The following RBFOX2 variants were observed in gnomAD, a reference collection of about 807,000 sequenced individuals.
RBFOX2 encodes RNA binding protein fox-1 homolog 2.
In RBFOX2, 10 loss-of-function variants were observed where a neutral mutation model predicts 49.1. The observed-to-expected ratio is 0.20, with a 90% CI of 0.13 to 0.35. The LOEUF is 0.35. RBFOX2 is among the 10% of genes least tolerant of loss of function. RBFOX2 has a pLI of 1.00. For synonymous variants in RBFOX2, 183 were observed against 187.4 expected (o/e 0.98, Z 0.19); for missense variants, 323 against 486.9 (o/e 0.66, Z 3.17).
chr22:35,991,926 A>T (rs2057999493), intron 1 of RBFOX2, among the ~76,000 whole-genome samples: 1 of 152,210 alleles, frequency 6.6e-6, no homozygotes, highest in South Asian at 2.1e-4. Flanking sequence ...TAATATATGT[A>T]ACCACTCCTG....
In RBFOX2 at chr22:35,906,028, A is replaced by G. The variant is rs5995176; in HGVS notation, c.-34+32819T>C. Among the ~76,000 whole-genome samples the G allele has an allele frequency of 3.3e-4, 50 of 152,332 alleles. 1 individual carries two copies. The highest frequency in any genetic ancestry group is 1.2e-3 in the African/African-American group (48 of 41,580). Reference sequence around the variant, plus strand: ...CCATATATAATATATAGTCAGGTATATATCTAGGTTTGTGTAAGTACATTC... The same window carrying G: ...CCATATATAATATATAGTCAGGTATGTATCTAGGTTTGTGTAAGTACATTC... On this transcript the variant is annotated intron_variant, in intron 1 of 13. Coordinates refer to the RBFOX2 transcript ENST00000359369.
chr22:35,867,078 GCA>G (rs139224464), intron 1 of RBFOX2, among the ~76,000 whole-genome samples: 15,593 of 151,290 alleles, frequency 0.1, 1,494 homozygotes, highest in African/African-American at 0.26. Context: ...GCACACACAT[GCA>G]CACACACACA....
intron 1 of RBFOX2, among the ~76,000 whole-genome samples, chr22:35,890,606 C>T (rs1451443762): frequency 6.6e-6 from 1 of 152,056 alleles, no homozygotes; most frequent in South Asian, 2.1e-4. Context: ...AAATACAAGA[C>T]GAGGCTAATT....
At chr22:35,932,112 T>G (rs1289362909) in intron 1 of RBFOX2, among the ~76,000 whole-genome samples, 2 of 152,178 alleles carry the variant, frequency 1.3e-5, no homozygotes, top group African/African-American at 4.8e-5. Context: ...AGCTAGAACC[T>G]GAACACACTT....
chr22:35,861,159 C>A (rs1043658223), intron 1 of RBFOX2, among the ~76,000 whole-genome samples: 22 of 152,092 alleles, frequency 1.4e-4, no homozygotes, highest in Non-Finnish European at 2.4e-4. Flanking sequence ...TTTCCAAATA[C>A]AAAACAACTC....
At chr22:35,963,449 T>A (rs1300015641), upstream of RBFOX2, among the ~76,000 whole-genome samples, 2 of 152,148 alleles carry the variant, frequency 1.3e-5, no homozygotes, top group Non-Finnish European at 2.9e-5. Flanking sequence ...AATTAATTAG[T>A]ATTAAAAGCA....
chr22:35,996,215 C>G (rs1047823386), intron 1 of RBFOX2: 2 of 152,168 alleles, frequency 1.3e-5, no homozygotes, highest in African/African-American at 4.8e-5. Context: ...CTCCTGAGAT[C>G]ATTATCCAAT....
chr22:36,012,280 T>C (rs1225952587), intron 1 of RBFOX2, among the ~76,000 whole-genome samples: 1 of 152,160 alleles, frequency 6.6e-6, no homozygotes, highest in Non-Finnish European at 1.5e-5. Context: ...AGGCACTGGA[T>C]AAAGAGCCAC....
chr22:35,941,738 A>G (rs1268853258), upstream of RBFOX2, among the ~76,000 whole-genome samples: 1 of 152,196 alleles, frequency 6.6e-6, no homozygotes, highest in African/African-American at 2.4e-5. Flanking sequence ...AAAAAAATAT[A>G]AGGAAAAGAT....
intron 2 of RBFOX2, among the ~76,000 whole-genome samples, chr22:35,803,787 T>C (rs1950195908): frequency 6.6e-6 from 1 of 151,778 alleles, no homozygotes; most frequent in African/African-American, 2.4e-5. Flanking sequence ...AAAAAATCAC[T>C]AGATGGGCTC....
intron 1 of RBFOX2, among the ~76,000 whole-genome samples, chr22:36,009,154 AGTC>A (rs1306303782): frequency 1.3e-5 from 2 of 152,194 alleles, no homozygotes; most frequent in Non-Finnish European, 2.9e-5. Context: ...GCAGCCCTCC[AGTC>A]ATCATGTGTT....
chr22:35,918,931 A>C (rs1362695732), intron 1 of RBFOX2, among the ~76,000 whole-genome samples: 1 of 152,120 alleles, frequency 6.6e-6, no homozygotes, highest in African/African-American at 2.4e-5. Flanking sequence ...AATCCTATTT[A>C]TTGTCTCAGT....
At chr22:35,902,409 A>T (rs1017894625) in intron 1 of RBFOX2, among the ~76,000 whole-genome samples, 4 of 152,272 alleles carry the variant, frequency 2.6e-5, no homozygotes, top group African/African-American at 9.6e-5. Context: ...TGCCTTTTCT[A>T]GTGCCTATGC....
chr22:36,000,466 A>G (rs890871014), intron 1 of RBFOX2: 7 of 152,240 alleles, frequency 4.6e-5, no homozygotes, highest in African/African-American at 1.4e-4. Flanking sequence ...TGCAACATGA[A>G]TAAGACTTTG....
chr22:35,933,272 T>C (rs1271904057), intron 1 of RBFOX2, among the ~76,000 whole-genome samples: 1 of 152,234 alleles, frequency 6.6e-6, no homozygotes, highest in Non-Finnish European at 1.5e-5. Context: ...CTAGCTGAAC[T>C]ATTGTGAAGA....
intron 1 of RBFOX2, among the ~76,000 whole-genome samples, chr22:35,882,076 G>A (rs532134537): frequency 3.9e-5 from 6 of 152,072 alleles, no homozygotes; most frequent in Non-Finnish European, 8.8e-5. Flanking sequence ...AAACTTTCCT[G>A]GTTAGCTGAG....
chr22:35,952,591 CTAAA>C, intron 1 of RBFOX2, among the ~76,000 whole-genome samples: 1 of 152,252 alleles, frequency 6.6e-6, no homozygotes, highest in Admixed American at 6.5e-5. Flanking sequence ...TGAAGTGATG[CTAAA>C]TAAATATTTA....
chr22:35,947,573 T>C (rs2054430889), intron 1 of RBFOX2, among the ~76,000 whole-genome samples: 1 of 149,064 alleles, frequency 6.7e-6, no homozygotes. Context: ...GTGGGAAGGA[T>C]GTGGAGGTGG....
At chr22:35,943,639 C>T (rs1428627185), upstream of RBFOX2, among the ~76,000 whole-genome samples, 8 of 152,192 alleles carry the variant, frequency 5.3e-5, no homozygotes, top group Non-Finnish European at 4.4e-5. Context: ...TGGCTCACGC[C>T]TGTAATCCCA....
Sources: gnomAD v4.1 joint callset for allele counts (sites outside exome capture counted in the v4.1 genomes callset) on GRCh38, gnomAD v4.1.1 for gene constraint, MANE v1.5 for transcripts, NCBI Gene and HGNC (gene_info 2026-07-23, HGNC 2026-07-21) for gene names.